The following EPB41L4B variants were observed in gnomAD, a reference collection of about 807,000 sequenced individuals.
EPB41L4B encodes erythrocyte membrane protein band 4.1 like 4B, also known as band 4.1-like protein 4B.
EPB41L4B carries 30 observed loss-of-function variants against 112.5 expected under a neutral mutation model. The ratio of observed to expected loss-of-function variants is 0.27; its 90% CI spans 0.20 to 0.36. The LOEUF is 0.36. EPB41L4B is among the 10% of genes least tolerant of loss of function. EPB41L4B has a pLI of 1.00. For missense variants in EPB41L4B, 1,024 were observed against 1,133.3 expected (o/e 0.90, Z 1.38); for synonymous variants, 408 against 439.7 (o/e 0.93, Z 0.90).
At chr9:109,306,741 G>T (rs1345189589) in intron 1 of EPB41L4B, among the ~76,000 whole-genome samples, 4 of 152,230 alleles carry the variant, frequency 2.6e-5, no homozygotes, top group African/African-American at 9.6e-5. Context: ...CTCCCCAGAA[G>T]ATTCTAAGCA....
intron 2 of EPB41L4B, among the ~76,000 whole-genome samples, chr9:109,279,106 T>C (rs1230205231): frequency 2.6e-5 from 4 of 152,136 alleles, no homozygotes; most frequent in Admixed American, 1.3e-4. Flanking sequence ...ACCTGCTCTC[T>C]ACCCAGCCAG....
At chr9:109,210,669 C>T (rs1297195827) in intron 17 of EPB41L4B, among the ~76,000 whole-genome samples, 1 of 152,076 alleles carries the variant, frequency 6.6e-6, no homozygotes, top group Non-Finnish European at 1.5e-5. Flanking sequence ...CAGGTGAAGG[C>T]CAATATACAT....
intron 1 of EPB41L4B, among the ~76,000 whole-genome samples, chr9:109,293,261 G>T (rs929881903): frequency 5.3e-5 from 8 of 152,176 alleles, no homozygotes; most frequent in African/African-American, 1.9e-4. Flanking sequence ...AAAAGATTTT[G>T]TATTTATGAT....
In EPB41L4B at chr9:109,265,414, C is replaced by T. The variant is rs370015122; in HGVS notation, c.534-390G>A. On this transcript the variant is annotated intron_variant, in intron 4 of 25. Coordinates refer to ENST00000374566, the MANE Select transcript of EPB41L4B (RefSeq NM_019114.5). ...TCTGGCTCTCAGCCAGCTCCACCAG[C>T]GGATTCCAGATCTGCTGCGGTGGAT... 5.7e-4 allele frequency among the ~76,000 whole-genome samples: 87 copies of T among 152,352 alleles called. 1 individual carries two copies. Among genetic ancestry groups the T allele is most frequent in the African/African-American group, 2.0e-3 (84 of 41,586 alleles).
Position 109,173,537 on chromosome 9 carries a change from A to T in EPB41L4B, c.*1017T>A, listed in dbSNP as rs1019380082. 9 of 152,652 alleles carry T rather than the reference A, an allele frequency of 5.9e-5. No individual in the cohort carries two copies. The highest frequency in any genetic ancestry group is 1.2e-4 in the Non-Finnish European group (8 of 68,038). The allele number at this position is 152,652 out of a possible 1,614,324, so 9.5% of individuals were successfully genotyped here. ...GTTACATGGATATAAAGACATTTAA[A>T]TTGGTGAGAGTAGAATCTGTGTTGA... On this transcript the variant is annotated 3_prime_UTR_variant, in exon 26 of 26. Transcript: ENST00000374566.
intron 24 of EPB41L4B, among the ~76,000 whole-genome samples, chr9:109,177,781 C>T (rs1831895434): frequency 6.6e-6 from 1 of 150,870 alleles, no homozygotes; most frequent in South Asian, 2.1e-4. Flanking sequence ...GAGGTTGCGC[C>T]ACTGCACTCC....
At chr9:109,298,540 C>T (rs1461702478) in intron 1 of EPB41L4B, among the ~76,000 whole-genome samples, 7 of 152,160 alleles carry the variant, frequency 4.6e-5, no homozygotes, top group Non-Finnish European at 1.5e-5. Flanking sequence ...TCTCAAACTC[C>T]TGACCTTGTG....
At chr9:109,262,217 C>T (rs1835229567) in intron 6 of EPB41L4B, among the ~76,000 whole-genome samples, 1 of 152,120 alleles carries the variant, frequency 6.6e-6, no homozygotes, top group African/African-American at 2.4e-5. Context: ...TGCTTCCAGT[C>T]TGACCTCTCT....
In EPB41L4B at chr9:109,279,932, AT is replaced by A; in HGVS notation, c.307-12del. Reference sequence around the variant, plus strand: ...GCCTTTGGCATGTTTCTGGAAGACAATTGGGAAGATGAAAAAACTTAGGGTG... The same window carrying A: ...GCCTTTGGCATGTTTCTGGAAGACAATGGGAAGATGAAAAAACTTAGGGTG... On this transcript the variant is annotated splice_polypyrimidine_tract_variant and intron_variant, in intron 1 of 25. Coordinates refer to ENST00000374566, the MANE Select transcript of EPB41L4B (RefSeq NM_019114.5). The A allele has an allele frequency of 6.2e-7, 1 of 1,609,660 alleles. No homozygotes were observed. The highest frequency in any genetic ancestry group is 8.5e-7 in the Non-Finnish European group (1 of 1,177,876).
intron 5 of EPB41L4B, among the ~76,000 whole-genome samples, chr9:109,264,120 T>C (rs1835316615): frequency 6.6e-6 from 1 of 152,184 alleles, no homozygotes; most frequent in Non-Finnish European, 1.5e-5. Flanking sequence ...AGGTCTGTAT[T>C]GCACGGCTGA....
chr9:109,255,502 GCTC>G lies in EPB41L4B; in HGVS notation c.1169+6_1169+8del, dbSNP rs780620154. On this transcript the variant is annotated splice_donor_region_variant and intron_variant, in intron 11 of 25. Transcript: ENST00000374566. ...AGACGTGATCCGTGTTGCAGAAATG[GCTC>G]CCTACCTGAATCTGAAGCGAGAGCC... 1 of 1,612,854 alleles carries G rather than the reference GCTC, an allele frequency of 6.2e-7. No individual in the cohort carries two copies. The highest frequency in any genetic ancestry group is 1.7e-5 in the Admixed American group (1 of 59,998).
chr9:109,242,847 TAAA>T lies in EPB41L4B; in HGVS notation c.1409+768_1409+770del, dbSNP rs11292845. Among the ~76,000 whole-genome samples, 168 of 127,134 alleles carry T rather than the reference TAAA, an allele frequency of 1.3e-3. 1 individual carries two copies. Among genetic ancestry groups the T allele is most frequent in the East Asian group, 4.6e-3 (20 of 4,326 alleles). 83.4% of individuals were successfully genotyped at this position (127,134 alleles called of 152,430 possible). ...ACATTTGCTTTCACAAAGCTAGCCT[TAAA>T]AAAAAAAAAAAAAAAACAAAAAACC... On this transcript the variant is annotated intron_variant, in intron 15 of 25. Transcript: ENST00000374566.
In EPB41L4B at chr9:109,271,300, T is replaced by C. The variant is rs141972458; in HGVS notation, c.412-2867A>G. Among the ~76,000 whole-genome samples the C allele has an allele frequency of 4.4e-3, 664 of 152,320 alleles. 9 individuals carry two copies. Among genetic ancestry groups the C allele is most frequent in the Middle Eastern group, 0.02 (6 of 294 alleles). On this transcript the variant is annotated intron_variant, in intron 2 of 25. Transcript: ENST00000374566. The stretch of plus-strand genomic sequence containing the variant: ...AGCAGGACCTGCCAGGATAGATGCC[T>C]ATGAAAAGTCTGGGGCTGGTGAAGC...
chr9:109,224,974 G>C (rs1239040074), intron 15 of EPB41L4B, among the ~76,000 whole-genome samples: 1 of 152,222 alleles, frequency 6.6e-6, no homozygotes, highest in Non-Finnish European at 1.5e-5. Context: ...CCCATCTGCT[G>C]CCTCTTTCCA....
intron 5 of EPB41L4B, among the ~76,000 whole-genome samples, chr9:109,264,322 T>C (rs527478938): frequency 7.9e-5 from 12 of 152,220 alleles, no homozygotes; most frequent in Non-Finnish European, 1.6e-4. Context: ...TTAGACTCAA[T>C]ATAGCCTTAG....
rs777497331 is a variant in EPB41L4B at position 109,263,046 on chromosome 9, G to A, written c.631+4C>T. The A allele has an allele frequency of 6.3e-7, 1 of 1,580,406 alleles. No homozygotes were observed. The highest frequency in any genetic ancestry group is 1.3e-5 in the African/African-American group (1 of 74,330). The stretch of plus-strand genomic sequence containing the variant: ...ATGCTAATTACTACTAAAGATTAAT[G>A]TACCTTGTAGACAGAGAGCAGCTAA... On this transcript the variant is annotated splice_donor_region_variant and intron_variant, in intron 6 of 25. Coordinates refer to ENST00000374566, the MANE Select transcript of EPB41L4B (RefSeq NM_019114.5).
intron 1 of EPB41L4B, among the ~76,000 whole-genome samples, chr9:109,281,663 G>A (rs191248669): frequency 6.6e-6 from 1 of 151,718 alleles, no homozygotes; most frequent in African/African-American, 2.4e-5. Context: ...CAGCCTCGGC[G>A]GTAGAGCGAG....
Position 109,232,653 on chromosome 9 carries a change from G to C in EPB41L4B, c.1409+10965C>G, listed in dbSNP as rs148426629. 2.3e-3 allele frequency among the ~76,000 whole-genome samples: 347 copies of C among 152,316 alleles called. 3 individuals are homozygous for C. The highest frequency in any genetic ancestry group is 7.8e-3 in the African/African-American group (325 of 41,572). On this transcript the variant is annotated intron_variant, in intron 15 of 25. Coordinates refer to ENST00000374566, the MANE Select transcript of EPB41L4B (RefSeq NM_019114.5). ...TGAAATTAAAACATTATTCATCCCG[G>C]AATGTAGTTCAGGTTAGATGAATAA...
chr9:109,281,670 C>T (rs1478907073), intron 1 of EPB41L4B, among the ~76,000 whole-genome samples: 1 of 150,380 alleles, frequency 6.6e-6, no homozygotes, highest in Admixed American at 6.7e-5. Flanking sequence ...GGCGGTAGAG[C>T]GAGACTCCGT....
Sources: gnomAD v4.1 joint callset for allele counts (sites outside exome capture counted in the v4.1 genomes callset) on GRCh38, gnomAD v4.1.1 for gene constraint, MANE v1.5 for transcripts, NCBI Gene and HGNC (gene_info 2026-07-23, HGNC 2026-07-21) for gene names.